Variants in CEP63 observed in about 807,000 individuals in gnomAD.
CEP63 encodes centrosomal protein 63, also known as centrosomal protein of 63 kDa.
In CEP63, 84 loss-of-function variants were observed where a neutral mutation model predicts 89.1. The observed-to-expected ratio is 0.94, with a 90% CI of 0.79 to 1.13. The LOEUF (loss-of-function observed/expected upper bound fraction) is 1.13, where lower values mean the gene tolerates loss of function less well. CEP63 is among the 50% of genes most tolerant of loss of function. CEP63 has a pLI of 0.00. For synonymous variants in CEP63, 267 were observed against 272.5 expected (o/e 0.98, Z 0.20); for missense variants, 838 against 813.3 (o/e 1.03, Z -0.37).
chr3:134,653,192 T>C, the CEP63 span, among the ~76,000 whole-genome samples: 13 of 152,188 alleles, frequency 8.5e-5, no homozygotes, highest in African/African-American at 3.1e-4. Context: ...TAATTCTCTT[T>C]GGTGGGGCTT....
At chr3:134,769,216 G>A in the CEP63 span, among the ~76,000 whole-genome samples, 1 of 152,096 alleles carries the variant, frequency 6.6e-6, no homozygotes, top group Non-Finnish European at 1.5e-5. Flanking sequence ...GAATATGGTC[G>A]GGGACCATCA....
At chr3:134,643,504 TGTGTGCACACCCTCACA>T in the CEP63 span, 1 of 699,292 alleles carries the variant, frequency 1.4e-6, no homozygotes, top group South Asian at 1.7e-5. Flanking sequence ...CAGGCCTAAA[TGTGTGCACACCCTCACA>T]GTGTGCACAT....
At chr3:134,665,887 A>G in the CEP63 span, among the ~76,000 whole-genome samples, 1 of 152,104 alleles carries the variant, frequency 6.6e-6, no homozygotes, top group South Asian at 2.1e-4. Flanking sequence ...TGAGGATGAG[A>G]GAAGTCGAGG....
downstream of CEP63, among the ~76,000 whole-genome samples, chr3:134,592,647 C>G (rs1013046430): frequency 4.6e-5 from 7 of 151,962 alleles, no homozygotes; most frequent in Admixed American, 1.3e-4. Flanking sequence ...GTGATACCCT[C>G]CAGTTTTTGC....
At chr3:134,639,127 T>A in the CEP63 span, among the ~76,000 whole-genome samples, 1 of 147,732 alleles carries the variant, frequency 6.8e-6, no homozygotes, top group Non-Finnish European at 1.5e-5. Flanking sequence ...AAAGCATTGG[T>A]AGTTTAAAAA....
chr3:134,767,404 T>C, the CEP63 span, among the ~76,000 whole-genome samples: 90 of 152,294 alleles, frequency 5.9e-4, 1 homozygote, highest in African/African-American at 2.1e-3. Context: ...TGGAGGGTTT[T>C]GGGGAAATGG....
chr3:134,614,393 A>G, the CEP63 span, among the ~76,000 whole-genome samples: 41 of 152,232 alleles, frequency 2.7e-4, no homozygotes, highest in Admixed American at 2.0e-3. Context: ...CCAAGCCACA[A>G]TGAAAACATG....
chr3:134,514,906 A>G (rs1489120614), intron 3 of CEP63, among the ~76,000 whole-genome samples: 1 of 152,220 alleles, frequency 6.6e-6, no homozygotes, highest in African/African-American at 2.4e-5. Flanking sequence ...ACAATAATAG[A>G]TGGAGTTTTG....
At chr3:134,750,109 G>A in the CEP63 span, among the ~76,000 whole-genome samples, 1 of 152,244 alleles carries the variant, frequency 6.6e-6, no homozygotes, top group African/African-American at 2.4e-5. Context: ...GCAACCTGCA[G>A]TGCTTTGGGG....
the CEP63 span, among the ~76,000 whole-genome samples, chr3:134,596,319 C>T: frequency 1.6e-4 from 24 of 152,180 alleles, no homozygotes; most frequent in African/African-American, 5.3e-4. Context: ...CCAAGTCCTA[C>T]TTTCAGGACT....
the CEP63 span, among the ~76,000 whole-genome samples, chr3:134,681,152 G>A: frequency 1.3e-5 from 2 of 152,318 alleles, no homozygotes; most frequent in African/African-American, 4.8e-5. Context: ...GAGAGAGCCA[G>A]GAAAGCAGAC....
At chr3:134,505,871 TA>T (rs1212182408) in intron 2 of CEP63, among the ~76,000 whole-genome samples, 1 of 152,198 alleles carries the variant, frequency 6.6e-6, no homozygotes, top group South Asian at 2.1e-4. Flanking sequence ...CACTGCAGTT[TA>T]AAAAACTTAT....
At chr3:134,612,678 G>C in the CEP63 span, among the ~76,000 whole-genome samples, 1 of 151,796 alleles carries the variant, frequency 6.6e-6, no homozygotes, top group African/African-American at 2.4e-5. Flanking sequence ...AGTGAGCTAA[G>C]CAGTGCCCCT....
Position 134,545,786 on chromosome 3 carries a change from A to G in CEP63, c.756A>G (p.Glu252=), listed in dbSNP as rs1203484259. The G allele has an allele frequency of 6.2e-7, 1 of 1,613,708 alleles. No homozygotes were observed. Among genetic ancestry groups the G allele is most frequent in the Non-Finnish European group, 8.5e-7 (1 of 1,179,910 alleles). ...MTVLQEQQQK[E]EKLRESEKLL... Reference sequence around the variant, plus strand: ...TCCTACAGGAGCAGCAGCAAAAAGAAGAAAAATTGAGGGAATCTGAAAAAC... The same window carrying G: ...TCCTACAGGAGCAGCAGCAAAAAGAGGAAAAATTGAGGGAATCTGAAAAAC... Residue 252 remains glutamate (E), a synonymous_variant, in exon 7 of 15, where the codon GAA becomes GAG. Transcript: ENST00000675561.
intron 4 of CEP63, 61 bp from the exon 5 acceptor site, chr3:134,532,717 G>C: frequency 7.1e-7 from 1 of 1,405,088 alleles, no homozygotes; most frequent in Non-Finnish European, 1.0e-6. Context: ...ATACCAATTT[G>C]TCTCACCACT....
Position 134,563,935 on chromosome 3 carries a change from TTTGA to T in CEP63, c.*2404_*2407del, listed in dbSNP as rs1176844128. 6.6e-6 allele frequency: 1 copy of T among 152,292 alleles called. No homozygotes were observed. Among genetic ancestry groups the T allele is most frequent in the Admixed American group, 6.5e-5 (1 of 15,280 alleles). The allele number at this position is 152,292 out of a possible 1,614,324, so 9.4% of individuals were successfully genotyped here. ...AATATTCCCTTTCTCTTACCTCACCTTTGATTGGCGTTTTCCCCCTTGCAGACCT... is the reference window on the plus strand; with the variant it reads ...AATATTCCCTTTCTCTTACCTCACCTTTGGCGTTTTCCCCCTTGCAGACCT... On this transcript the variant is annotated 3_prime_UTR_variant, in exon 15 of 15. Transcript: ENST00000675561.
rs147068176 is a variant in CEP63 at position 134,553,569 on chromosome 3, A to G, written c.1467+1557A>G. On this transcript the variant is annotated intron_variant, in intron 12 of 14. Transcript: ENST00000675561. The stretch of plus-strand genomic sequence containing the variant: ...TCTAGTAAACAAAGAAAACTGTTCA[A>G]CCTCTCTAATAAAGCAAAATAGACA... 177 of 152,300 alleles carry G rather than the reference A, an allele frequency of 1.2e-3. 1 individual carries two copies. The highest frequency in any genetic ancestry group is 4.1e-3 in the African/African-American group (170 of 41,566). 9.4% of individuals were successfully genotyped at this position (152,300 alleles called of 1,614,324 possible).
chr3:134,747,157 C>A, the CEP63 span, among the ~76,000 whole-genome samples: 1 of 152,132 alleles, frequency 6.6e-6, no homozygotes, highest in Non-Finnish European at 1.5e-5. Context: ...CCAGTTTTCC[C>A]AGCACCAGTT....
At chr3:134,773,425 T>C in the CEP63 span, among the ~76,000 whole-genome samples, 1 of 152,202 alleles carries the variant, frequency 6.6e-6, no homozygotes, top group African/African-American at 2.4e-5. Flanking sequence ...ATGGCACGCA[T>C]AGAAATGAAG....
Sources: gnomAD v4.1 joint callset for allele counts (sites outside exome capture counted in the v4.1 genomes callset) on GRCh38, gnomAD v4.1.1 for gene constraint, MANE v1.5 for transcripts, NCBI Gene and HGNC (gene_info 2026-07-23, HGNC 2026-07-21) for gene names.